RFX3: variants seen among roughly 807,000 people sequenced by gnomAD.
The protein encoded by RFX3 is regulatory factor X3, also known as transcription factor RFX3.
RFX3 carries 14 observed loss-of-function variants against 98.6 expected under a neutral mutation model. The ratio of observed to expected loss-of-function variants is 0.14; its 90% CI spans 0.09 to 0.22. RFX3 has a LOEUF of 0.22. Ranked by LOEUF, RFX3 falls within the 10% of genes least tolerant of loss-of-function variation. RFX3 has a pLI of 1.00. For missense variants in RFX3, 639 were observed against 926.9 expected (o/e 0.69, Z 4.03); for synonymous variants, 383 against 328.4 (o/e 1.17, Z -1.80).
At chr9:3,501,421 C>T (rs1006498749) in intron 1 of RFX3, among the ~76,000 whole-genome samples, 5 of 152,020 alleles carry the variant, frequency 3.3e-5, no homozygotes, top group African/African-American at 1.2e-4. Context: ...TAAAATTACT[C>T]CGAGGGCCAT....
chr9:3,369,991 G>A (rs1324346655), intron 2 of RFX3, among the ~76,000 whole-genome samples: 2 of 139,674 alleles, frequency 1.4e-5, no homozygotes, highest in South Asian at 2.3e-4. Context: ...ACTACGCCCG[G>A]CTAATTTTTT....
chr9:3,490,644 G>T (rs1375308719), intron 1 of RFX3, among the ~76,000 whole-genome samples: 2 of 151,972 alleles, frequency 1.3e-5, no homozygotes, highest in Non-Finnish European at 2.9e-5. Flanking sequence ...TAAATTAGGG[G>T]AAATCTCAGA....
intron 11 of RFX3, among the ~76,000 whole-genome samples, chr9:3,266,692 T>C (rs1179070923): frequency 6.6e-6 from 1 of 152,072 alleles, no homozygotes; most frequent in African/African-American, 2.4e-5. Context: ...CTTCATCTTG[T>C]TCTTTCAAGC....
chr9:3,462,333 C>A (rs1363249859), intron 1 of RFX3, among the ~76,000 whole-genome samples: 7 of 151,936 alleles, frequency 4.6e-5, no homozygotes, highest in African/African-American at 1.4e-4. Flanking sequence ...AGTATAAGGT[C>A]ATCTCAATTT....
At chr9:3,429,762 T>A (rs887127558) in intron 1 of RFX3, among the ~76,000 whole-genome samples, 1 of 152,204 alleles carries the variant, frequency 6.6e-6, no homozygotes, top group African/African-American at 2.4e-5. Context: ...ATTTACTATA[T>A]AGCAGATGTA....
At chr9:3,308,479 G>A (rs1829586269) in intron 4 of RFX3, among the ~76,000 whole-genome samples, 1 of 152,154 alleles carries the variant, frequency 6.6e-6, no homozygotes, top group Non-Finnish European at 1.5e-5. Context: ...AAGTTGCCCA[G>A]CCTTAGGAAT....
At chr9:3,308,840 T>C (rs911081432) in intron 4 of RFX3, among the ~76,000 whole-genome samples, 5 of 152,112 alleles carry the variant, frequency 3.3e-5, no homozygotes, top group Non-Finnish European at 7.3e-5. Context: ...GAGAAAATAT[T>C]TGGAGCACCA....
At chr9:3,471,435 T>C (rs1026716009) in intron 1 of RFX3, among the ~76,000 whole-genome samples, 27 of 152,222 alleles carry the variant, frequency 1.8e-4, no homozygotes, top group African/African-American at 6.3e-4. Flanking sequence ...CTAGTGTTTC[T>C]TTTGTCACTA....
chr9:3,235,569 G>T (rs1355697131), intron 15 of RFX3, among the ~76,000 whole-genome samples: 1 of 152,140 alleles, frequency 6.6e-6, no homozygotes, highest in Non-Finnish European at 1.5e-5. Context: ...CTAAAATCAA[G>T]GTGTTGGCAG....
intron 4 of RFX3, among the ~76,000 whole-genome samples, chr9:3,328,735 A>G (rs2130859395): frequency 6.6e-6 from 1 of 152,344 alleles, no homozygotes; most frequent in South Asian, 2.1e-4. Context: ...ATTACTACAA[A>G]TACACAAAGT....
chr9:3,326,002 G>A (rs533587121), intron 4 of RFX3, among the ~76,000 whole-genome samples: 32 of 152,164 alleles, frequency 2.1e-4, no homozygotes, highest in African/African-American at 7.0e-4. Flanking sequence ...ACAATAAACA[G>A]ATCCCTAACA....
At chr9:3,272,495 A>G (rs1345805368) in intron 9 of RFX3, among the ~76,000 whole-genome samples, 1 of 152,232 alleles carries the variant, frequency 6.6e-6, no homozygotes, top group East Asian at 1.9e-4. Context: ...AAATGAAGAT[A>G]GGGAGACAAA....
At chr9:3,452,406 C>G (rs1423263615) in intron 1 of RFX3, 2 of 290,672 alleles carry the variant, frequency 6.9e-6, no homozygotes. Flanking sequence ...GCTTGGGCAA[C>G]ATACGGAGAC....
At chr9:3,268,327 C>G (rs1192396509) in intron 11 of RFX3, among the ~76,000 whole-genome samples, 2 of 151,690 alleles carry the variant, frequency 1.3e-5, no homozygotes, top group African/African-American at 4.8e-5. Context: ...TAAGTTTGCT[C>G]TCTCTACAGG....
intron 6 of RFX3, among the ~76,000 whole-genome samples, chr9:3,291,375 AAAC>A (rs1200640265): frequency 2.1e-5 from 3 of 142,016 alleles, no homozygotes; most frequent in Non-Finnish European, 4.5e-5. Context: ...CCTTCTCAAA[AAAC>A]AAAACAAAAA....
chr9:3,369,995 ATTTTTTTT>A (rs71324244), intron 2 of RFX3, among the ~76,000 whole-genome samples: 4 of 132,616 alleles, frequency 3.0e-5, no homozygotes, highest in African/African-American at 5.9e-5. Flanking sequence ...CGCCCGGCTA[ATTTTTTTT>A]TTTTTTTTTT....
rs540564391 is a variant in RFX3, at chr9:3,414,632, A to G, written c.-8-19036T>C. Among the ~76,000 whole-genome samples, 5 of 135,334 alleles carry G rather than the reference A, an allele frequency of 3.7e-5. No individual in the cohort carries two copies. The South Asian group carries it at 6.7e-4, about 18-fold the overall frequency. The allele number at this position is 135,334 out of a possible 152,430, so 88.8% of individuals were successfully genotyped here. A position where few individuals can be genotyped will look rare whatever the true frequency, so the allele number is the denominator to read the frequency against. ...AGTATCTACTGCAATATACGAGTGT[A>G]TATATATATGAGTATATATATGTAT... On this transcript the variant is annotated intron_variant, in intron 1 of 16. Transcript: ENST00000617270.
At chr9:3,473,596 C>G (rs1322882239) in intron 1 of RFX3, among the ~76,000 whole-genome samples, 1 of 152,164 alleles carries the variant, frequency 6.6e-6, no homozygotes, top group Non-Finnish European at 1.5e-5. Flanking sequence ...CCTCTTTAAC[C>G]ATACTGACAG....
chr9:3,280,582 C>T (rs955291517), intron 7 of RFX3, among the ~76,000 whole-genome samples: 6 of 151,742 alleles, frequency 4.0e-5, no homozygotes, highest in African/African-American at 1.5e-4. Flanking sequence ...AAGTCAAGAA[C>T]AATCACATTA....
Sources: gnomAD v4.1 joint callset for allele counts (sites outside exome capture counted in the v4.1 genomes callset) on GRCh38, gnomAD v4.1.1 for gene constraint, MANE v1.5 for transcripts, NCBI Gene and HGNC (gene_info 2026-07-23, HGNC 2026-07-21) for gene names.